Variants in FGF12 observed in about 807,000 individuals in gnomAD.
FGF12 encodes fibroblast growth factor 12, also known as fibroblast growth factor 12B.
FGF12 carries 14 observed loss-of-function variants against 23.6 expected under a neutral mutation model. That is an observed-to-expected ratio of 0.59 (90% CI 0.39 to 0.93). The LOEUF is 0.93. FGF12 is among the 40% of genes least tolerant of loss of function. The probability of loss-of-function intolerance (pLI) is 0.00; values close to 1 mark genes in which losing one functional copy is unlikely to be tolerated. For synonymous variants in FGF12, 62 were observed against 77.3 expected (o/e 0.80, Z 1.04); for missense variants, 175 against 217.8 (o/e 0.80, Z 1.24).
At chr3:192,438,327 G>C (rs1364687927) in intron 2 of FGF12, among the ~76,000 whole-genome samples, 1 of 152,166 alleles carries the variant, frequency 6.6e-6, no homozygotes, top group East Asian at 1.9e-4. Flanking sequence ...TAAGAACAAA[G>C]AGTATGCAGT....
intron 2 of FGF12, among the ~76,000 whole-genome samples, chr3:192,639,162 AAAG>A (rs1429464373): frequency 3.7e-4 from 57 of 152,296 alleles, no homozygotes; most frequent in Admixed American, 2.6e-3. Context: ...ACATTTCTCC[AAAG>A]AAGACAGAAA....
At position 192,236,668 on chromosome 3, in the gene FGF12, C is replaced by T. The variant is rs116213918; in HGVS notation, c.229-66012G>A. On this transcript the variant is annotated intron_variant, in intron 4 of 5. Transcript: ENST00000445105. Reference sequence around the variant, plus strand: ...TCTGTTTTATCTGAAATAATAATAGCCACACCTGCTCTTTCTTGCTCTCCC... The same window carrying T: ...TCTGTTTTATCTGAAATAATAATAGTCACACCTGCTCTTTCTTGCTCTCCC... Among the ~76,000 whole-genome samples, 405 of 152,184 alleles carry T rather than the reference C, an allele frequency of 2.7e-3. 1 individual carries two copies. The highest frequency in any genetic ancestry group is 9.5e-3 in the African/African-American group (395 of 41,532).
chr3:192,572,564 G>A (rs558840108), intron 2 of FGF12, among the ~76,000 whole-genome samples: 15 of 152,230 alleles, frequency 9.9e-5, no homozygotes, highest in Non-Finnish European at 1.9e-4. Flanking sequence ...ATGCAAAGGT[G>A]GCATGTATAG....
At chr3:192,636,916 G>T (rs1380396893) in intron 2 of FGF12, among the ~76,000 whole-genome samples, 2 of 152,202 alleles carry the variant, frequency 1.3e-5, no homozygotes, top group African/African-American at 4.8e-5. Flanking sequence ...GCAATGAAGA[G>T]AGTGTTAACT....
At chr3:192,439,279 T>G (rs1722122912) in intron 2 of FGF12, among the ~76,000 whole-genome samples, 1 of 152,226 alleles carries the variant, frequency 6.6e-6, no homozygotes, top group African/African-American at 2.4e-5. Flanking sequence ...GTATTCTTTA[T>G]ATAGATTTTA....
chr3:192,494,075 C>A (rs535993387), intron 2 of FGF12, among the ~76,000 whole-genome samples: 1 of 152,260 alleles, frequency 6.6e-6, no homozygotes, highest in South Asian at 2.1e-4. Flanking sequence ...TTTCTAGATA[C>A]TTTCTGAAAT....
chr3:192,646,309 T>A (rs1046393353), intron 2 of FGF12, among the ~76,000 whole-genome samples: 2 of 152,010 alleles, frequency 1.3e-5, no homozygotes, highest in African/African-American at 4.8e-5. Flanking sequence ...AAAAGAAACC[T>A]AGATTTTGAC....
intron 2 of FGF12, chr3:192,726,869 G>T: frequency 2.3e-6 from 1 of 440,988 alleles, no homozygotes; most frequent in Non-Finnish European, 4.1e-6. Flanking sequence ...ATACAGAAAA[G>T]ATATTGCTTT....
At chr3:192,305,679 A>AAAATATATATATATATATAT (rs1423738741) in intron 4 of FGF12, among the ~76,000 whole-genome samples, 3 of 131,934 alleles carry the variant, frequency 2.3e-5, no homozygotes, top group Non-Finnish European at 4.7e-5. Flanking sequence ...AAAAAAAAAA[A>AAAATATATATATATATATAT]ATATATATAT....
intron 4 of FGF12, among the ~76,000 whole-genome samples, chr3:192,229,337 A>G (rs1718903426): frequency 6.6e-6 from 1 of 152,086 alleles, no homozygotes; most frequent in Admixed American, 6.6e-5. Flanking sequence ...AAAAATGATT[A>G]TCTTCCTCCA....
chr3:192,578,506 T>A (rs1476889813), intron 2 of FGF12, among the ~76,000 whole-genome samples: 1 of 152,240 alleles, frequency 6.6e-6, no homozygotes, highest in African/African-American at 2.4e-5. Context: ...ATTTATTAAC[T>A]GCTCTTATTC....
At chr3:192,362,137 A>G (rs867479428) in intron 2 of FGF12, among the ~76,000 whole-genome samples, 2 of 152,084 alleles carry the variant, frequency 1.3e-5, no homozygotes, top group South Asian at 4.1e-4. Flanking sequence ...AGAAGAATGG[A>G]TTTGTCTTCA....
At chr3:192,186,609 G>A (rs544967006) in intron 4 of FGF12, among the ~76,000 whole-genome samples, 13 of 152,014 alleles carry the variant, frequency 8.6e-5, no homozygotes, top group African/African-American at 1.9e-4. Context: ...TTGTGTGTGC[G>A]TGTGTGTGTG....
In FGF12 at chr3:192,408,282, G is replaced by C; in HGVS notation, c.14-47744C>G. On this transcript the variant is annotated intron_variant, in intron 2 of 5. Transcript: ENST00000445105. This position sits in a 1 kb window ranked among gnomAD's most constrained non-coding sequence, Gnocchi z 7.3. ...TACTGCGCCCTCCGGCTTGCGCTCC[G>C]CCGGGGCGAGGGCAGGACCTGGGCG... 6.7e-7 allele frequency: 1 copy of C among 1,494,470 alleles called. No homozygotes were observed. The highest frequency in any genetic ancestry group is 8.9e-7 in the Non-Finnish European group (1 of 1,127,220). The allele number at this position is 1,494,470 out of a possible 1,614,324, so 92.6% of individuals were successfully genotyped here.
intron 4 of FGF12, among the ~76,000 whole-genome samples, chr3:192,256,563 G>T (rs1421317749): frequency 6.6e-6 from 1 of 151,962 alleles, no homozygotes; most frequent in Non-Finnish European, 1.5e-5. Flanking sequence ...ATTTGGTATG[G>T]CATATGCCAT....
chr3:192,445,617 C>T (rs1560113474), intron 2 of FGF12, among the ~76,000 whole-genome samples: 1 of 152,144 alleles, frequency 6.6e-6, no homozygotes, highest in Non-Finnish European at 1.5e-5. Flanking sequence ...CATATCTTCA[C>T]CTAGAAATTC....
At chr3:192,303,073 A>G (rs1290496557) in intron 4 of FGF12, among the ~76,000 whole-genome samples, 1 of 152,220 alleles carries the variant, frequency 6.6e-6, no homozygotes, top group Non-Finnish European at 1.5e-5. Flanking sequence ...CTTATTTAGA[A>G]AAAACAGTCC....
At chr3:192,292,223 A>T (rs1192163943) in intron 4 of FGF12, among the ~76,000 whole-genome samples, 1 of 152,200 alleles carries the variant, frequency 6.6e-6, no homozygotes, top group East Asian at 1.9e-4. Context: ...GCTATTGACA[A>T]ATCACGTGGT....
intron 2 of FGF12, among the ~76,000 whole-genome samples, chr3:192,646,205 A>C (rs1715999690): frequency 7.5e-6 from 1 of 133,020 alleles, no homozygotes; most frequent in South Asian, 2.7e-4. Context: ...GTATAACTTG[A>C]GACACAATAT....
Sources: gnomAD v4.1 joint callset for allele counts (sites outside exome capture counted in the v4.1 genomes callset) on GRCh38, gnomAD v4.1.1 for gene constraint, Gnocchi (gnomAD v3.1) non-coding constraint, MANE v1.5 for transcripts, NCBI Gene and HGNC (gene_info 2026-07-23, HGNC 2026-07-21) for gene names.